The following TATDN1 variants were observed in gnomAD, a reference collection of about 807,000 sequenced individuals.
TATDN1 encodes the protein TatD DNase domain containing 1.
In TATDN1, 40 loss-of-function variants were observed where a neutral mutation model predicts 46.4. The ratio of observed to expected loss-of-function variants is 0.86; its 90% confidence interval spans 0.67 to 1.12. TATDN1 has a LOEUF of 1.12. Among genes scored for constraint, TATDN1 ranks in the 50% most tolerant of loss-of-function variants. The probability of loss-of-function intolerance (pLI) is 0.00; values close to 1 mark genes in which losing one functional copy is unlikely to be tolerated. For missense variants in TATDN1, 326 were observed against 348.4 expected (o/e 0.94, Z 0.51); for synonymous variants, 95 against 105.6 (o/e 0.90, Z 0.62).
chr8:124,488,681 T>TATC lies in TATDN1; in HGVS notation c.804_806dup (p.Glu268_Ile269insMet). On this transcript the variant is annotated inframe_insertion, in exon 12 of 12. Coordinates refer to ENST00000276692, the MANE Select transcript of TATDN1 (RefSeq NM_032026.4). ...GATCCTCATCTCTCACTGCTGACAT[T>TATC]ATCTCCAATATTTGACTAAAACAAA... 1 of 1,601,026 alleles carries TATC rather than the reference T, an allele frequency of 6.2e-7. No individual in the cohort carries two copies. Among genetic ancestry groups the TATC allele is most frequent in the Non-Finnish European group, 8.6e-7 (1 of 1,168,746 alleles).
At chr8:124,498,174 T>C (rs73340053) in intron 9 of TATDN1, among the ~76,000 whole-genome samples, 15,346 of 152,200 alleles carry the variant, frequency 0.1, 2,574 homozygotes, top group African/African-American at 0.35. Flanking sequence ...GTTGCTAGTG[T>C]TGCGTTTCCT....
intron 3 of TATDN1, among the ~76,000 whole-genome samples, 187 bp from the exon 4 acceptor site, chr8:124,519,068 G>C (rs1180041756): frequency 6.6e-6 from 1 of 152,076 alleles, no homozygotes; most frequent in African/African-American, 2.4e-5. Context: ...ACACCTCAGG[G>C]ATGTATGTAT....
intron 9 of TATDN1, among the ~76,000 whole-genome samples, chr8:124,500,691 AAAC>A (rs1482688189): frequency 1.6e-4 from 24 of 152,142 alleles, no homozygotes; most frequent in Admixed American, 6.5e-5. Flanking sequence ...CAAAAAAAAA[AAAC>A]AACAACTAAG....
chr8:124,517,330 A>G (rs914585394), intron 4 of TATDN1, among the ~76,000 whole-genome samples: 1 of 151,614 alleles, frequency 6.6e-6, no homozygotes, highest in Non-Finnish European at 1.5e-5. Flanking sequence ...CAGGAGGCTG[A>G]GGCAGGAGAA....
intron 3 of TATDN1, among the ~76,000 whole-genome samples, chr8:124,521,471 A>T (rs1336642283): frequency 1.3e-5 from 2 of 152,316 alleles, no homozygotes; most frequent in East Asian, 3.9e-4. Flanking sequence ...TTATCTTTTC[A>T]TATTATTTGT....
intron 1 of TATDN1, among the ~76,000 whole-genome samples, chr8:124,533,441 T>G (rs949319768): frequency 2.0e-5 from 3 of 151,742 alleles, no homozygotes; most frequent in African/African-American, 7.3e-5. Context: ...CAGGAGTAAT[T>G]TTTTGGTAGC....
chr8:124,503,801 C>T (rs759593675), intron 9 of TATDN1: 18 of 713,118 alleles, frequency 2.5e-5, no homozygotes, highest in Non-Finnish European at 3.9e-5. Flanking sequence ...AGTGAGAAGC[C>T]AGAGGACATG....
At chr8:124,509,859 T>G (rs1238506772) in intron 6 of TATDN1, among the ~76,000 whole-genome samples, 2 of 151,968 alleles carry the variant, frequency 1.3e-5, no homozygotes, top group Non-Finnish European at 2.9e-5. Flanking sequence ...GCCAGCATGG[T>G]GAAACCTCGT....
intron 1 of TATDN1, among the ~76,000 whole-genome samples, chr8:124,537,603 A>G (rs1356362251): frequency 6.6e-6 from 1 of 152,234 alleles, no homozygotes; most frequent in East Asian, 1.9e-4. Context: ...GATTTAAGAC[A>G]TTAACTTGAG....
At chr8:124,504,559 A>C in intron 8 of TATDN1, 1 of 348,590 alleles carries the variant, frequency 2.9e-6, no homozygotes, top group Admixed American at 4.6e-5. Flanking sequence ...GCAAAACGTT[A>C]GCTGCCGAGA....
At chr8:124,517,114 G>A (rs12548836) in intron 4 of TATDN1, among the ~76,000 whole-genome samples, 23,392 of 152,240 alleles carry the variant, frequency 0.15, 2,275 homozygotes, top group Admixed American at 0.24. Flanking sequence ...CTGGAAGATA[G>A]TCTATCTTTA....
At chr8:124,490,540 T>C (rs536015174) in intron 11 of TATDN1, among the ~76,000 whole-genome samples, 93 of 152,072 alleles carry the variant, frequency 6.1e-4, no homozygotes, top group African/African-American at 2.1e-3. Flanking sequence ...AAAAAATCTA[T>C]TGGAGCTTAG....
chr8:124,520,043 T>C (rs1028096715), intron 3 of TATDN1, among the ~76,000 whole-genome samples: 1 of 152,236 alleles, frequency 6.6e-6, no homozygotes, highest in African/African-American at 2.4e-5. Context: ...AAATGATAAA[T>C]AGATATTTTC....
intron 9 of TATDN1, among the ~76,000 whole-genome samples, chr8:124,497,727 T>TG (rs1226924530): frequency 6.6e-6 from 1 of 152,230 alleles, no homozygotes; most frequent in East Asian, 1.9e-4. Context: ...GTGGTATTTT[T>TG]GTGATCTAAG....
chr8:124,538,937 G>A (rs773596724), intron 1 of TATDN1, 88 bp downstream of exon 1: 5 of 1,531,850 alleles, frequency 3.3e-6, no homozygotes, highest in Admixed American at 1.7e-5. Flanking sequence ...CAATGCCGGA[G>A]GGCGCAATTC....
intron 9 of TATDN1, among the ~76,000 whole-genome samples, chr8:124,503,270 G>A (rs1401860580): frequency 6.6e-6 from 1 of 152,096 alleles, no homozygotes; most frequent in East Asian, 1.9e-4. Context: ...GATGAATCAA[G>A]AGACAATAGT....
At chr8:124,488,737 ATACATT>A (rs1320331764) in intron 11 of TATDN1, 41 bp from the exon 12 acceptor site, 1 of 1,147,798 alleles carries the variant, frequency 8.7e-7, no homozygotes, top group African/African-American at 1.5e-5. Flanking sequence ...ATCTCCAAGT[ATACATT>A]TAGTTCTAAA....
chr8:124,529,192 T>G (rs1480321307), intron 1 of TATDN1, among the ~76,000 whole-genome samples: 1 of 152,162 alleles, frequency 6.6e-6, no homozygotes. Context: ...TGGACCTGAG[T>G]CTGCTGGGCC....
chr8:124,490,440 G>A (rs1332634844), intron 11 of TATDN1, among the ~76,000 whole-genome samples: 1 of 152,016 alleles, frequency 6.6e-6, no homozygotes, highest in East Asian at 1.9e-4. Context: ...AACCTGGGAG[G>A]TGGAGGTTGC....
Sources: gnomAD v4.1 joint callset for allele counts (sites outside exome capture counted in the v4.1 genomes callset) on GRCh38, gnomAD v4.1.1 for gene constraint, MANE v1.5 for transcripts, NCBI Gene and HGNC (gene_info 2026-07-23, HGNC 2026-07-21) for gene names.